Variants in CASD1 observed in about 807,000 individuals in gnomAD.
The protein encoded by CASD1 is N-acetylneuraminate (7)9-O-acetyltransferase.
In CASD1, 41 loss-of-function variants were observed where a neutral mutation model predicts 100.0. The observed-to-expected ratio is 0.41, with a 90% CI of 0.32 to 0.53. CASD1 has a LOEUF of 0.53. Ranked by LOEUF, CASD1 falls within the 20% of genes least tolerant of loss-of-function variation. CASD1 has a pLI of 0.25. For synonymous variants in CASD1, 321 were observed against 315.6 expected (o/e 1.02, Z -0.18); for missense variants, 774 against 948.7 (o/e 0.82, Z 2.42).
rs375235880 is a variant in CASD1 at position 94,542,743 on chromosome 7, G to A, written c.1357-1668G>A. On this transcript the variant is annotated intron_variant, in intron 10 of 17. Transcript: ENST00000297273. ...ATTAAAAGATGCTTAGGCAATCCAC[G>A]AAGGGGATATTTTAGAGTACATTCA... Among the ~76,000 whole-genome samples, 7 of 152,284 alleles carry A rather than the reference G, an allele frequency of 4.6e-5. No homozygotes were observed. In the East Asian group the frequency reaches 7.7e-4, roughly 17 times the overall value.
intron 3 of CASD1, among the ~76,000 whole-genome samples, chr7:94,523,078 T>A (rs922089125): frequency 1.2e-4 from 18 of 152,218 alleles, no homozygotes; most frequent in African/African-American, 4.1e-4. Context: ...TGATAAAAAT[T>A]GTAGAAGCCT....
At chr7:94,529,900 A>G (rs1436321850) in intron 5 of CASD1, among the ~76,000 whole-genome samples, 1 of 152,202 alleles carries the variant, frequency 6.6e-6, no homozygotes, top group East Asian at 1.9e-4. Flanking sequence ...AGATACACTT[A>G]TTAACTAGAA....
chr7:94,626,838 GC>G, the CASD1 span: 4 of 151,906 alleles, frequency 2.6e-5, no homozygotes, highest in African/African-American at 9.7e-5. Flanking sequence ...GTAAAAACTG[GC>G]AAATTAAGGA....
the CASD1 span, among the ~76,000 whole-genome samples, chr7:94,562,577 C>T: frequency 1.6e-4 from 24 of 152,098 alleles, no homozygotes; most frequent in Non-Finnish European, 3.1e-4. Flanking sequence ...GCCGAAAGTT[C>T]TCCTTATCCT....
rs1309636125 is a variant in CASD1 at position 94,551,496 on chromosome 7, T to C, written c.1956+18T>C. The C allele has an allele frequency of 3.8e-6, 5 of 1,306,036 alleles. No individual in the cohort carries two copies. The East Asian group carries it at 1.4e-4, about 36-fold the overall frequency. The allele number at this position is 1,306,036 out of a possible 1,614,324, so 80.9% of individuals were successfully genotyped here. On this transcript the variant is annotated intron_variant, in intron 15 of 17. Coordinates refer to ENST00000297273, the MANE Select transcript of CASD1 (RefSeq NM_022900.5). ...CTTTCTTGGTAAGTTTTGAAAACTT[T>C]CCAAAATTCTAAATGGTATGGAATA...
chr7:94,575,035 T>A, the CASD1 span, among the ~76,000 whole-genome samples: 9 of 152,166 alleles, frequency 5.9e-5, no homozygotes, highest in African/African-American at 2.2e-4. Flanking sequence ...GTTTTTCATG[T>A]CTCAGTCTCC....
At chr7:94,533,053 C>CAATT in intron 5 of CASD1, 152 bp from the exon 6 acceptor site, 1 of 469,002 alleles carries the variant, frequency 2.1e-6, no homozygotes, top group Non-Finnish European at 3.7e-6. Flanking sequence ...CTTGTTATAA[C>CAATT]AATAATAAGC....
chr7:94,577,356 C>T, the CASD1 span, among the ~76,000 whole-genome samples: 1 of 152,180 alleles, frequency 6.6e-6, no homozygotes, highest in Admixed American at 6.5e-5. Context: ...AGTCCATATT[C>T]TTTGTCATGT....
the CASD1 span, chr7:94,599,015 G>A: frequency 7.6e-7 from 1 of 1,323,948 alleles, no homozygotes; most frequent in Admixed American, 1.9e-5. Context: ...ATATTAGCCT[G>A]ATGGGTCATC....
chr7:94,542,445 A>C (rs1438976234), intron 10 of CASD1, among the ~76,000 whole-genome samples: 2 of 152,204 alleles, frequency 1.3e-5, no homozygotes, highest in Admixed American at 1.3e-4. Context: ...AAAATATCTC[A>C]TGTTGAAATA....
At chr7:94,588,639 A>C in the CASD1 span, 12 of 1,561,838 alleles carry the variant, frequency 7.7e-6, no homozygotes, top group Admixed American at 8.4e-5. Flanking sequence ...ATTATCTTTT[A>C]ATCTATTAGA....
At chr7:94,596,076 C>G in the CASD1 span, among the ~76,000 whole-genome samples, 1 of 151,910 alleles carries the variant, frequency 6.6e-6, no homozygotes, top group East Asian at 1.9e-4. Flanking sequence ...GTTTTCTGGA[C>G]TTAAAAATAC....
At chr7:94,523,898 A>G (rs1239737678) in intron 3 of CASD1, among the ~76,000 whole-genome samples, 6 of 152,300 alleles carry the variant, frequency 3.9e-5, no homozygotes, top group Middle Eastern at 3.4e-3. Context: ...ACATGCATAT[A>G]AAATGACTTT....
the CASD1 span, among the ~76,000 whole-genome samples, chr7:94,595,937 C>T: frequency 3.3e-5 from 5 of 152,094 alleles, no homozygotes; most frequent in African/African-American, 4.8e-5. Flanking sequence ...ATGAGTCAGA[C>T]GCACTTGATG....
chr7:94,593,920 G>A, the CASD1 span, among the ~76,000 whole-genome samples: 1 of 151,948 alleles, frequency 6.6e-6, no homozygotes. Flanking sequence ...AATCTTTGTT[G>A]AGAAGCTCTC....
chr7:94,601,334 C>T, the CASD1 span, among the ~76,000 whole-genome samples: 3 of 150,102 alleles, frequency 2.0e-5, no homozygotes, highest in East Asian at 3.9e-4. Flanking sequence ...AATTTCCAAA[C>T]GTGTCGTCCT....
At chr7:94,600,496 T>G in the CASD1 span, 1 of 627,044 alleles carries the variant, frequency 1.6e-6, no homozygotes, top group African/African-American at 1.8e-5. Context: ...TTAATTCATT[T>G]TAAAGGAATA....
the CASD1 span, among the ~76,000 whole-genome samples, chr7:94,609,540 C>A: frequency 2.6e-5 from 4 of 152,226 alleles, no homozygotes; most frequent in South Asian, 4.1e-4. Flanking sequence ...TAAAAAACAA[C>A]AACAACAAAA....
At chr7:94,528,404 C>T (rs922233382) in intron 5 of CASD1, among the ~76,000 whole-genome samples, 154 bp downstream of exon 5, 1 of 151,972 alleles carries the variant, frequency 6.6e-6, no homozygotes, top group Non-Finnish European at 1.5e-5. Flanking sequence ...GATTCTAGCA[C>T]TTCATTGAGA....
Sources: allele counts gnomAD v4.1 joint callset (sites outside exome capture counted in the v4.1 genomes callset), GRCh38; gene constraint gnomAD v4.1.1; transcripts MANE v1.5; gene names NCBI Gene and HGNC (gene_info 2026-07-23, HGNC 2026-07-21).